The following FOLH1 variants were observed in gnomAD, a reference collection of about 807,000 sequenced individuals.
The protein encoded by FOLH1 is folate hydrolase 1.
FOLH1 carries 54 observed loss-of-function variants against 93.9 expected under a neutral mutation model. That is an observed-to-expected ratio of 0.57 (90% CI 0.46 to 0.72). The LOEUF (loss-of-function observed/expected upper bound fraction) is 0.72. Ranked by LOEUF, FOLH1 falls within the 30% of genes least tolerant of loss-of-function variation. The probability of loss-of-function intolerance (pLI) is 0.00; values close to 1 mark genes in which losing one functional copy is unlikely to be tolerated. For missense variants in FOLH1, 571 were observed against 892.5 expected, an observed-to-expected ratio of 0.64 and a Z score of 4.59; for synonymous variants, 249 against 303.6, an observed-to-expected ratio of 0.82 and a Z score of 1.87.
chr11:49,206,778 C>G (rs560406165), intron 1 of FOLH1: 3 of 1,535,660 alleles, frequency 2.0e-6, no homozygotes, highest in Middle Eastern at 1.7e-4. Flanking sequence ...TACAATTTAC[C>G]CAGCCTCTCT....
At chr11:49,194,897 A>G (rs1862460914) in intron 3 of FOLH1, among the ~76,000 whole-genome samples, 1 of 151,956 alleles carries the variant, frequency 6.6e-6, no homozygotes, top group Non-Finnish European at 1.5e-5. Flanking sequence ...ATTATACATA[A>G]CATAAATTTA....
At chr11:49,169,151 C>A in intron 12 of FOLH1, 44 bp downstream of exon 12, 1 of 1,590,458 alleles carries the variant, frequency 6.3e-7, no homozygotes, top group Non-Finnish European at 8.6e-7. Context: ...GACTGCTGCT[C>A]CTAGTTTAAT....
intron 6 of FOLH1, among the ~76,000 whole-genome samples, chr11:49,183,768 C>A (rs1861059554): frequency 6.6e-6 from 1 of 151,886 alleles, no homozygotes; most frequent in Non-Finnish European, 1.5e-5. Flanking sequence ...AAAAAAAAAT[C>A]TACTGTTTGA....
chr11:49,185,533 G>A, intron 6 of FOLH1, 136 bp downstream of exon 6: 1 of 1,180,192 alleles, frequency 8.5e-7, no homozygotes, highest in Non-Finnish European at 1.2e-6. Flanking sequence ...TCACTTTAGA[G>A]TTCAAAATTC....
intron 17 of FOLH1, among the ~76,000 whole-genome samples, chr11:49,151,095 T>C (rs1565126084): frequency 2.0e-5 from 3 of 152,034 alleles, no homozygotes; most frequent in East Asian, 3.9e-4. Context: ...AGTTTTAGAG[T>C]GAAATAGGAG....
Position 49,164,770 on chromosome 11 carries a change from T to A in FOLH1, c.1375A>T (p.Asn459Tyr). 6.3e-7 allele frequency: 1 copy of A among 1,597,160 alleles called. No individual in the cohort carries two copies. Among genetic ancestry groups the A allele is most frequent in the East Asian group, 2.2e-5 (1 of 44,684 alleles). ...YINADSSIEGNYTLRVDCTPL... is the reference protein window; with the variant it reads ...YINADSSIEGYYTLRVDCTPL... ...GTACAATCAACTCTCAGAGTGTAGT[T>A]TCCTGAAAAATAAGAAAAGAATAGA... Residue 459 changes from asparagine to tyrosine, a missense_variant and splice_region_variant, in exon 13 of 19, where the codon AAC becomes TAC. Asn to Tyr is a moderately radical substitution (Grantham distance 143, BLOSUM62 -2). This residue lies in a region of FOLH1 where 500 missense variants were observed against 822.9 expected (regional missense o/e 0.61). Coordinates refer to ENST00000256999, the MANE Select transcript of FOLH1 (RefSeq NM_004476.3).
At chr11:49,156,449 T>C (rs1021688547) in intron 15 of FOLH1, among the ~76,000 whole-genome samples, 1 of 152,036 alleles carries the variant, frequency 6.6e-6, no homozygotes, top group African/African-American at 2.4e-5. Context: ...TGCCACCAAA[T>C]GAAACAGAAA....
At chr11:49,167,037 C>A (rs1236441065) in intron 12 of FOLH1, among the ~76,000 whole-genome samples, 1 of 109,002 alleles carries the variant, frequency 9.2e-6, no homozygotes, top group Non-Finnish European at 2.2e-5. Flanking sequence ...ATAACAACAA[C>A]AACAACAACA....
At chr11:49,180,445 T>C (rs1439201173) in intron 7 of FOLH1, among the ~76,000 whole-genome samples, 1 of 152,208 alleles carries the variant, frequency 6.6e-6, no homozygotes, top group Non-Finnish European at 1.5e-5. Context: ...ACATTGAAGT[T>C]TTTAACATCA....
At chr11:49,184,570 AG>A (rs573519678) in intron 6 of FOLH1, among the ~76,000 whole-genome samples, 1 of 152,296 alleles carries the variant, frequency 6.6e-6, no homozygotes, top group African/African-American at 2.4e-5. Flanking sequence ...ATTTTACTAT[AG>A]GGTAATATGT....
chr11:49,203,362 C>G (rs1337229516), intron 2 of FOLH1, among the ~76,000 whole-genome samples: 1 of 152,192 alleles, frequency 6.6e-6, no homozygotes, highest in Non-Finnish European at 1.5e-5. Context: ...AAAAAAGCTG[C>G]TCCTAATTAA....
At chr11:49,186,049 G>A in intron 5 of FOLH1, 194 bp from the exon 6 acceptor site, 1 of 842,234 alleles carries the variant, frequency 1.2e-6, no homozygotes, top group Non-Finnish European at 1.6e-6. Flanking sequence ...AAAATCCTCA[G>A]AACATCAGAT....
In FOLH1 at chr11:49,206,965, T is replaced by G. The variant is rs1864045848; in HGVS notation, c.119-793A>C. On this transcript the variant is annotated intron_variant, in intron 1 of 18. Coordinates refer to ENST00000256999, the MANE Select transcript of FOLH1 (RefSeq NM_004476.3). The stretch of plus-strand genomic sequence containing the variant: ...GTTACAAAATTAGTCCCCAACCAGC[T>G]TTCATGGAGCTTTCCAATTATTAAT... The G allele has an allele frequency of 1.0e-5, 6 of 590,782 alleles. No homozygotes were observed. The South Asian group carries it at 1.3e-4, about 13-fold the overall frequency. The allele number at this position is 590,782 out of a possible 1,614,324, so 36.6% of individuals were successfully genotyped here. A position where few individuals can be genotyped will look rare whatever the true frequency, so the allele number is the denominator to read the frequency against.
intron 16 of FOLH1, 149 bp downstream of exon 16, chr11:49,154,079 T>A (rs1856752727): frequency 7.3e-7 from 1 of 1,365,374 alleles, no homozygotes. Context: ...TGAGCATCCA[T>A]AAAATGGAAA....
intron 17 of FOLH1, among the ~76,000 whole-genome samples, chr11:49,151,443 C>G (rs1228809613): frequency 2.0e-5 from 3 of 152,238 alleles, no homozygotes; most frequent in Admixed American, 6.5e-5. Flanking sequence ...CACACACACA[C>G]ACTTCTCTTT....
chr11:49,195,879 G>A (rs1182653413), intron 3 of FOLH1, among the ~76,000 whole-genome samples: 3 of 152,160 alleles, frequency 2.0e-5, no homozygotes, highest in Non-Finnish European at 4.4e-5. Context: ...AAATCGGCCA[G>A]GCACAATGGC....
At chr11:49,199,737 C>A (rs1242825954) in intron 3 of FOLH1, among the ~76,000 whole-genome samples, 2 of 151,998 alleles carry the variant, frequency 1.3e-5, no homozygotes, top group Admixed American at 6.6e-5. Flanking sequence ...ATGATGAAAC[C>A]CTGTCTCTAT....
intron 17 of FOLH1, among the ~76,000 whole-genome samples, 193 bp from the exon 18 acceptor site, chr11:49,148,924 T>C (rs1395505679): frequency 6.6e-6 from 1 of 152,130 alleles, no homozygotes; most frequent in Non-Finnish European, 1.5e-5. Flanking sequence ...CCTCCTCCTT[T>C]GTGGAATTTT....
rs1301906667 is a variant in FOLH1 at position 49,154,331 on chromosome 11, A to G, written c.1785T>C (p.Phe595=). 1.9e-6 allele frequency: 3 copies of G among 1,613,326 alleles called. No individual in the cohort carries two copies. The highest frequency in any genetic ancestry group is 1.3e-5 in the African/African-American group (1 of 74,882). The change falls in exon 16 of 19, where the codon TTT becomes TTC. Residue 595 remains phenylalanine (F), a synonymous_variant. Coordinates refer to ENST00000256999, the MANE Select transcript of FOLH1 (RefSeq NM_004476.3). ...FELANSIVLP[F]DCRDYAVVLR... ...AAACTACAGCATAATCTCGACAATC[A>G]AAAGGGAGCACTATGGAATTGGCTA...
Sources: allele counts gnomAD v4.1 joint callset (sites outside exome capture counted in the v4.1 genomes callset), GRCh38; gene constraint gnomAD v4.1.1; regional missense constraint gnomAD v4.1.1; transcripts MANE v1.5; gene names NCBI Gene and HGNC (gene_info 2026-07-23, HGNC 2026-07-21).